The following STXBP6 variants were observed in gnomAD, a reference collection of about 807,000 sequenced individuals.
STXBP6 encodes syntaxin-binding protein 6.
In STXBP6, 21 loss-of-function variants were observed where a neutral mutation model predicts 26.9. The ratio of observed to expected loss-of-function variants is 0.78; its 90% confidence interval spans 0.55 to 1.12. STXBP6 has a LOEUF of 1.12. STXBP6 is among the 50% of genes most tolerant of loss of function. The pLI is 0.00. For synonymous variants in STXBP6, 97 were observed against 92.6 expected, an observed-to-expected ratio of 1.05 and a Z score of -0.27; for missense variants, 232 against 257.9, an observed-to-expected ratio of 0.90 and a Z score of 0.69.
chr14:24,987,960 T>C (rs142551374), intron 1 of STXBP6: 1 of 859,046 alleles, frequency 1.2e-6, no homozygotes, highest in Admixed American at 6.2e-5. Flanking sequence ...CTTTCCCTCA[T>C]GGAGCTTACA....
intron 2 of STXBP6, among the ~76,000 whole-genome samples, chr14:24,929,526 T>C (rs1595130714): frequency 6.6e-6 from 1 of 152,364 alleles, no homozygotes; most frequent in East Asian, 1.9e-4. Flanking sequence ...AGGGCATTCA[T>C]GCCCACGTTG....
At chr14:24,896,874 G>T (rs1038389769) in intron 2 of STXBP6, among the ~76,000 whole-genome samples, 2 of 152,164 alleles carry the variant, frequency 1.3e-5, no homozygotes, top group Non-Finnish European at 2.9e-5. Flanking sequence ...GTCTGAGCTG[G>T]TAAGTGTTAG....
At chr14:24,997,839 AC>A (rs2074645124) in intron 1 of STXBP6, among the ~76,000 whole-genome samples, 1 of 152,100 alleles carries the variant, frequency 6.6e-6, no homozygotes, top group South Asian at 2.1e-4. Flanking sequence ...TTTTCTTTTT[AC>A]CTGAAAAAAT....
chr14:24,868,932 T>C (rs1012373924), intron 2 of STXBP6, among the ~76,000 whole-genome samples: 3 of 152,232 alleles, frequency 2.0e-5, no homozygotes, highest in African/African-American at 7.2e-5. Flanking sequence ...CCACTGCTTA[T>C]TGAACATCAC....
chr14:24,949,701 CT>C (rs1566502598), intron 2 of STXBP6, among the ~76,000 whole-genome samples: 1 of 152,082 alleles, frequency 6.6e-6, no homozygotes, highest in Non-Finnish European at 1.5e-5. Context: ...CTAAAGCTGC[CT>C]CCTTACATAT....
chr14:24,921,892 C>T (rs1320438365), intron 2 of STXBP6, among the ~76,000 whole-genome samples: 2 of 152,086 alleles, frequency 1.3e-5, no homozygotes, highest in Admixed American at 6.5e-5. Context: ...TCCCACCTTT[C>T]TATTGTTGGG....
chr14:25,016,532 C>G (rs2075151182), intron 1 of STXBP6, among the ~76,000 whole-genome samples: 1 of 152,124 alleles, frequency 6.6e-6, no homozygotes. Flanking sequence ...CCTCATAGCT[C>G]TTTTCAAGTG....
chr14:24,891,935 T>C (rs571653514), intron 2 of STXBP6, among the ~76,000 whole-genome samples: 2 of 152,342 alleles, frequency 1.3e-5, no homozygotes, highest in South Asian at 4.1e-4. Context: ...CATTAATCTT[T>C]CAGAGGAAAG....
rs74037411 is a variant in STXBP6 at position 24,980,309 on chromosome 14, G to A, written c.-32-5459C>T. Among the ~76,000 whole-genome samples, 536 of 152,286 alleles carry A rather than the reference G, an allele frequency of 3.5e-3. 2 individuals carry two copies. Among genetic ancestry groups the A allele is most frequent in the African/African-American group, 0.012 (511 of 41,558 alleles). On this transcript the variant is annotated intron_variant, in intron 1 of 5. Transcript: ENST00000323944. Reference sequence around the variant, plus strand: ...CCCCTTTAAAAGTGTTTAAGAAAGAGTTACTGATTTTTAACAAAATGTTTA... The same window carrying A: ...CCCCTTTAAAAGTGTTTAAGAAAGAATTACTGATTTTTAACAAAATGTTTA...
chr14:24,822,844 C>T (rs987483879), intron 4 of STXBP6, among the ~76,000 whole-genome samples: 4 of 152,296 alleles, frequency 2.6e-5, no homozygotes, highest in Admixed American at 2.6e-4. Flanking sequence ...ATATGTAGCA[C>T]AGCATGTTGC....
At chr14:24,843,078 C>A (rs920451596) in intron 4 of STXBP6, among the ~76,000 whole-genome samples, 4 of 152,254 alleles carry the variant, frequency 2.6e-5, no homozygotes, top group Non-Finnish European at 4.4e-5. Flanking sequence ...GACTTGGGAT[C>A]AAATCTTCAC....
chr14:25,004,075 T>C (rs563356958), intron 1 of STXBP6, among the ~76,000 whole-genome samples: 141 of 152,274 alleles, frequency 9.3e-4, no homozygotes, highest in Non-Finnish European at 1.4e-3. Flanking sequence ...ACCAGACAAG[T>C]TGACATTAAC....
intron 2 of STXBP6, among the ~76,000 whole-genome samples, chr14:24,899,850 G>A (rs2071149572): frequency 7.6e-6 from 1 of 130,904 alleles, no homozygotes; most frequent in African/African-American, 2.8e-5. Flanking sequence ...TGTTTGGTAA[G>A]AATTTGAACC....
At chr14:24,832,845 T>C (rs895723201) in intron 4 of STXBP6, among the ~76,000 whole-genome samples, 1 of 152,228 alleles carries the variant, frequency 6.6e-6, no homozygotes, top group African/African-American at 2.4e-5. Context: ...CCATTTCCAT[T>C]TGTACTATTA....
intron 4 of STXBP6, among the ~76,000 whole-genome samples, chr14:24,823,386 C>T (rs2068195946): frequency 6.6e-6 from 1 of 152,084 alleles, no homozygotes; most frequent in African/African-American, 2.4e-5. Flanking sequence ...GAAGCACATG[C>T]AATACACCAA....
intron 1 of STXBP6, among the ~76,000 whole-genome samples, chr14:24,983,444 A>T (rs1254981695): frequency 6.6e-6 from 1 of 152,244 alleles, no homozygotes; most frequent in Non-Finnish European, 1.5e-5. Flanking sequence ...ACATGAAAAT[A>T]AACATTTTAA....
intron 2 of STXBP6, among the ~76,000 whole-genome samples, chr14:24,883,608 C>A (rs909661176): frequency 6.6e-6 from 1 of 152,086 alleles, no homozygotes; most frequent in Non-Finnish European, 1.5e-5. Context: ...TCCTAAAGCA[C>A]CCATGTTGAA....
At position 24,917,819 on chromosome 14, in the gene STXBP6, T is replaced by C. The variant is rs557616852; in HGVS notation, c.154+56846A>G. On this transcript the variant is annotated intron_variant, in intron 2 of 5. Coordinates refer to ENST00000323944, the MANE Select transcript of STXBP6 (RefSeq NM_001394410.1). ...TAATAAAGTGAGAAGACAATATACA[T>C]AACGGGAGAAAATATTTGCTAACCA... 3.8e-4 allele frequency among the ~76,000 whole-genome samples: 58 copies of C among 152,162 alleles called. 1 individual carries two copies. Among genetic ancestry groups the C allele is most frequent in the African/African-American group, 1.3e-3 (56 of 41,528 alleles).
In STXBP6 at chr14:25,047,520, T is replaced by C. The variant is rs1168714662; in HGVS notation, c.-33+2358A>G. Among the ~76,000 whole-genome samples, 3 of 152,250 alleles carry C rather than the reference T, an allele frequency of 2.0e-5. No individual in the cohort carries two copies. The East Asian group carries it at 5.8e-4, about 29-fold the overall frequency. ...CCATAAGTTAGTGATTCTATAGGCA[T>C]GGTCTGTAGCACCATTAGCATCATC... On this transcript the variant is annotated intron_variant, in intron 1 of 5. Transcript: ENST00000323944.
Sources: gnomAD v4.1 joint callset for allele counts (sites outside exome capture counted in the v4.1 genomes callset) on GRCh38, gnomAD v4.1.1 for gene constraint, MANE v1.5 for transcripts, NCBI Gene and HGNC (gene_info 2026-07-23, HGNC 2026-07-21) for gene names.